ADAM12: variants seen among roughly 807,000 people sequenced by gnomAD.
The protein encoded by ADAM12 is disintegrin and metalloproteinase domain-containing protein 12.
In ADAM12, 70 loss-of-function variants were observed where a neutral mutation model predicts 106.4. The ratio of observed to expected loss-of-function variants is 0.66; its 90% CI spans 0.54 to 0.80. The LOEUF is 0.80. ADAM12 is among the 30% of genes least tolerant of loss of function. The pLI, the probability that ADAM12 is intolerant of heterozygous loss-of-function variation, is 0.00. For missense variants in ADAM12, 1,010 were observed against 1,171.9 expected, an observed-to-expected ratio of 0.86 and a Z score of 2.02; for synonymous variants, 420 against 433.5, an observed-to-expected ratio of 0.97 and a Z score of 0.39.
At position 126,064,576 on chromosome 10, in the gene ADAM12, TG is replaced by T. The variant is rs1251623911; in HGVS notation, c.1609+229del. The T allele has an allele frequency of 4.5e-5, 23 of 508,694 alleles. No individual in the cohort carries two copies. The highest frequency in any genetic ancestry group is 6.3e-5 in the Non-Finnish European group (18 of 286,184). 31.5% of individuals were successfully genotyped at this position (508,694 alleles called of 1,614,324 possible). A position where few individuals can be genotyped will look rare whatever the true frequency, so the allele number is the denominator to read the frequency against. On this transcript the variant is annotated intron_variant, in intron 14 of 22. Coordinates refer to ENST00000448723, the MANE Select transcript of ADAM12 (RefSeq NM_001288973.2). The surrounding 1 kb of genome is among the most constrained non-coding windows in gnomAD (Gnocchi z 4.4). ...TCCTGCAGCTCCTGTTGGACCGCACTGAGCTTCTTAAGGCCAGGCTCCAGGC... is the reference window on the plus strand; with the variant it reads ...TCCTGCAGCTCCTGTTGGACCGCACTAGCTTCTTAAGGCCAGGCTCCAGGC...
At chr10:126,158,565 G>GA in intron 3 of ADAM12, among the ~76,000 whole-genome samples, 9 of 111,792 alleles carry the variant, frequency 8.1e-5, no homozygotes, top group African/African-American at 2.9e-4. Context: ...GCATGGGGCA[G>GA]GGATGCACAG....
intron 21 of ADAM12, among the ~76,000 whole-genome samples, chr10:126,023,429 G>T (rs1417465959): frequency 2.0e-5 from 3 of 152,062 alleles, no homozygotes; most frequent in Non-Finnish European, 4.4e-5. Flanking sequence ...GAAGATGGAG[G>T]CATCTGCCAA....
chr10:126,163,297 G>A (rs1956968592), intron 3 of ADAM12, among the ~76,000 whole-genome samples: 1 of 152,204 alleles, frequency 6.6e-6, no homozygotes, highest in Non-Finnish European at 1.5e-5. Flanking sequence ...ATGGGAGCAG[G>A]TGACTCCTAC....
chr10:126,296,664 A>C (rs1347484618), intron 2 of ADAM12, among the ~76,000 whole-genome samples: 1 of 152,162 alleles, frequency 6.6e-6, no homozygotes, highest in African/African-American at 2.4e-5. Context: ...GAGCCACCTA[A>C]TTTAGAGTTC....
intron 3 of ADAM12, among the ~76,000 whole-genome samples, chr10:126,231,969 T>C (rs557607163): frequency 1.4e-4 from 21 of 152,310 alleles, no homozygotes; most frequent in African/African-American, 5.1e-4. Context: ...CTGACATTTC[T>C]ACTTGAATGT....
chr10:126,210,587 A>G (rs1458072120), intron 3 of ADAM12, among the ~76,000 whole-genome samples: 1 of 152,220 alleles, frequency 6.6e-6, no homozygotes, highest in African/African-American at 2.4e-5. Context: ...TGACTGTTGA[A>G]TAAAAGAAGT....
At chr10:126,085,344 A>T (rs755709770) in intron 11 of ADAM12, among the ~76,000 whole-genome samples, 35 of 152,342 alleles carry the variant, frequency 2.3e-4, no homozygotes, top group Admixed American at 9.8e-4. Flanking sequence ...CAATTGCTAG[A>T]TTTAGTACAA....
chr10:126,080,532 A>G (rs1026336391), intron 11 of ADAM12, among the ~76,000 whole-genome samples: 30 of 152,278 alleles, frequency 2.0e-4, no homozygotes, highest in Non-Finnish European at 4.4e-5. Flanking sequence ...GGCCCAGGAA[A>G]AAAAAGTGCT....
chr10:126,297,556 G>A (rs892664064), intron 2 of ADAM12, among the ~76,000 whole-genome samples: 1 of 152,098 alleles, frequency 6.6e-6, no homozygotes, highest in Non-Finnish European at 1.5e-5. Flanking sequence ...TCTCAGGAAT[G>A]AAAAACAGCA....
chr10:126,061,617 A>G (rs1475402657), intron 14 of ADAM12, among the ~76,000 whole-genome samples: 6 of 152,224 alleles, frequency 3.9e-5, no homozygotes, highest in Admixed American at 1.3e-4. Context: ...CAGGAGAGTC[A>G]GTGTCAGAGA....
chr10:126,143,517 A>T (rs1956563797), intron 4 of ADAM12, among the ~76,000 whole-genome samples: 1 of 151,208 alleles, frequency 6.6e-6, no homozygotes, highest in Non-Finnish European at 1.5e-5. Context: ...GTGGGTGTGC[A>T]TGTGTGTATA....
chr10:126,087,090 T>A (rs1230148175), intron 11 of ADAM12, among the ~76,000 whole-genome samples: 2 of 151,896 alleles, frequency 1.3e-5, no homozygotes, highest in African/African-American at 2.4e-5. Flanking sequence ...ATGAATGCAG[T>A]CCTTCAGGGT....
chr10:126,219,734 AT>A (rs1322466701), intron 3 of ADAM12, among the ~76,000 whole-genome samples: 1 of 152,232 alleles, frequency 6.6e-6, no homozygotes, highest in Non-Finnish European at 1.5e-5. Flanking sequence ...TAAACCATCC[AT>A]TTAACGGGTA....
chr10:126,234,241 G>A (rs192696497), intron 3 of ADAM12, among the ~76,000 whole-genome samples: 1 of 152,038 alleles, frequency 6.6e-6, no homozygotes, highest in East Asian at 1.9e-4. Context: ...TTTTCTCTTG[G>A]CTTACTTGTG....
In ADAM12 at chr10:126,054,070, A is replaced by T. The variant is rs377354362; in HGVS notation, c.1610-4401T>A. On this transcript the variant is annotated intron_variant, in intron 14 of 22. Coordinates refer to ENST00000448723, the MANE Select transcript of ADAM12 (RefSeq NM_001288973.2). The stretch of plus-strand genomic sequence containing the variant: ...CACTTCCGGCTTTCTCAAGATGCTG[A>T]CATTTTTTCTTCTGTTATGTTATCA... Among the ~76,000 whole-genome samples the T allele has an allele frequency of 2.0e-5, 3 of 152,192 alleles. No individual in the cohort carries two copies. In the East Asian group the frequency reaches 5.8e-4, roughly 29 times the overall value.
rs1590352934 is a variant in ADAM12 at position 126,060,512 on chromosome 10, C to T, written c.1609+4294G>A. ...TGAGTTCCTACATTTCCCAGGAGGC[C>T]TGTGATGACCCCAGTGCATACGTGA... is the stretch of plus-strand genomic sequence containing the variant. On this transcript the variant is annotated intron_variant, in intron 14 of 22. Transcript: ENST00000448723. 2.6e-5 allele frequency among the ~76,000 whole-genome samples: 4 copies of T among 152,170 alleles called. No individual in the cohort carries two copies. The East Asian group carries it at 5.8e-4, about 22-fold the overall frequency.
intron 11 of ADAM12, among the ~76,000 whole-genome samples, chr10:126,083,088 C>T (rs1159233517): frequency 6.6e-6 from 1 of 152,174 alleles, no homozygotes; most frequent in African/African-American, 2.4e-5. Flanking sequence ...GCTGTGGATG[C>T]AAGGAGGTCA....
chr10:126,034,897 G>A (rs1954031379), intron 21 of ADAM12, among the ~76,000 whole-genome samples: 1 of 152,096 alleles, frequency 6.6e-6, no homozygotes, highest in Non-Finnish European at 1.5e-5. Flanking sequence ...AAGATTACCA[G>A]AGCTAAACAG....
At chr10:126,170,194 C>G (rs561790152) in intron 3 of ADAM12, among the ~76,000 whole-genome samples, 2 of 152,256 alleles carry the variant, frequency 1.3e-5, no homozygotes, top group African/African-American at 4.8e-5. Flanking sequence ...GAACCAAACC[C>G]GTAGAATGTG....
Sources: allele counts gnomAD v4.1 joint callset (sites outside exome capture counted in the v4.1 genomes callset), GRCh38; gene constraint gnomAD v4.1.1; non-coding constraint Gnocchi (gnomAD v3.1); transcripts MANE v1.5; gene names NCBI Gene and HGNC (gene_info 2026-07-23, HGNC 2026-07-21).